The following EFHC2 variants were observed in gnomAD, a reference collection of about 807,000 sequenced individuals.
EFHC2 encodes EF-hand domain-containing family member C2.
Under a neutral mutation model 52.7 loss-of-function variants are expected in EFHC2, and 18 were observed. The observed-to-expected ratio is 0.34, with a 90% CI of 0.24 to 0.51. EFHC2 has a LOEUF of 0.51. Among genes scored for constraint, EFHC2 ranks in the 20% least tolerant of loss-of-function variants. The probability of loss-of-function intolerance (pLI) is 0.97; values close to 1 mark genes in which losing one functional copy is unlikely to be tolerated. For missense variants in EFHC2, 513 were observed against 562.5 expected, an observed-to-expected ratio of 0.91 and a Z score of 0.89; for synonymous variants, 203 against 204.1, an observed-to-expected ratio of 0.99 and a Z score of 0.04.
intron 14 of EFHC2, among the ~76,000 whole-genome samples, chrX:44,154,732 T>A (rs2036594869): frequency 9.1e-6 from 1 of 110,126 alleles, no homozygotes; most frequent in Non-Finnish European, 1.9e-5. Context: ...ACAAAACTCT[T>A]AATCGTCTAC....
chrX:44,264,633 A>T (rs1250453376), intron 3 of EFHC2, among the ~76,000 whole-genome samples: 1 of 112,740 alleles, frequency 8.9e-6, no homozygotes, highest in African/African-American at 3.2e-5. Flanking sequence ...ATCTAACGTC[A>T]CAATTCCATA....
chrX:44,193,985 T>C (rs1482386796), intron 11 of EFHC2, among the ~76,000 whole-genome samples: 12 of 111,124 alleles, frequency 1.1e-4, no homozygotes, highest in Non-Finnish European at 1.7e-4. Flanking sequence ...CTCCATGCAG[T>C]GTTCCAGAGT....
intron 1 of EFHC2, among the ~76,000 whole-genome samples, chrX:44,340,488 CT>C (rs2038145401): frequency 9.2e-6 from 1 of 108,608 alleles, no homozygotes; most frequent in African/African-American, 3.4e-5. Flanking sequence ...CCCGTCTCTA[CT>C]AAAAATTAAA....
At chrX:44,296,179 A>T (rs896441335) in intron 2 of EFHC2, among the ~76,000 whole-genome samples, 4 of 111,406 alleles carry the variant, frequency 3.6e-5, no homozygotes, top group Non-Finnish European at 7.5e-5. Flanking sequence ...AAGTGGAGTG[A>T]GCAAAGACAA....
chrX:44,240,674 T>C (rs1177173459), intron 8 of EFHC2, among the ~76,000 whole-genome samples: 1 of 111,248 alleles, frequency 9.0e-6, no homozygotes, highest in Non-Finnish European at 1.9e-5. Flanking sequence ...GCAACCCTCT[T>C]ATGTGATAAA....
At chrX:44,236,297 T>C (rs756444786) in intron 8 of EFHC2, among the ~76,000 whole-genome samples, 2 of 111,742 alleles carry the variant, frequency 1.8e-5, no homozygotes, top group South Asian at 3.7e-4. Flanking sequence ...ACTGAAGAAA[T>C]TGATTTATGG....
intron 14 of EFHC2, among the ~76,000 whole-genome samples, chrX:44,155,045 C>T (rs1395207748): frequency 1.8e-5 from 2 of 112,010 alleles, no homozygotes; most frequent in African/African-American, 6.5e-5. Context: ...AAAGACAGCA[C>T]CCAAATCTCA....
intron 11 of EFHC2, 97 bp downstream of exon 11, chrX:44,229,552 T>TA: frequency 9.2e-7 from 1 of 1,092,634 alleles, no homozygotes; most frequent in South Asian, 2.0e-5. Flanking sequence ...CAATTCCTAA[T>TA]AAAAAATAGT....
At chrX:44,179,319 C>A (rs1031364141) in intron 11 of EFHC2, among the ~76,000 whole-genome samples, 1 of 111,699 alleles carries the variant, frequency 9.0e-6, no homozygotes, top group Non-Finnish European at 1.9e-5. Flanking sequence ...GATTAAAATG[C>A]AAAATGTTAT....
chrX:44,192,142 T>C (rs2036926785), intron 11 of EFHC2, among the ~76,000 whole-genome samples: 1 of 110,754 alleles, frequency 9.0e-6, no homozygotes, highest in East Asian at 2.8e-4. Flanking sequence ...TTTAAAGATA[T>C]GATGTCCTCC....
At chrX:44,297,986 TA>T (rs1200694380) in intron 2 of EFHC2, among the ~76,000 whole-genome samples, 49 of 80,316 alleles carry the variant, frequency 6.1e-4, no homozygotes, top group African/African-American at 9.6e-4. Flanking sequence ...AAAATAAAAT[TA>T]AAAAAAAAAA....
intron 14 of EFHC2, among the ~76,000 whole-genome samples, chrX:44,149,373 C>CA: frequency 8.9e-6 from 1 of 111,902 alleles, no homozygotes; most frequent in Non-Finnish European, 1.9e-5. Flanking sequence ...TGAATCCAGC[C>CA]ATGCTTCACT....
chrX:44,223,613 A>G (rs1321389972), intron 11 of EFHC2, among the ~76,000 whole-genome samples: 1 of 111,824 alleles, frequency 8.9e-6, no homozygotes, highest in Non-Finnish European at 1.9e-5. Flanking sequence ...AAAGATCTCC[A>G]TCTTTTTGAT....
At chrX:44,229,566 C>T in intron 11 of EFHC2, 83 bp downstream of exon 11, 6 of 1,113,297 alleles carry the variant, frequency 5.4e-6, no homozygotes, top group African/African-American at 1.8e-5. Flanking sequence ...AAATAGTTAA[C>T]TGATTAGGAA....
At chrX:44,231,835 G>A (rs944296307) in intron 10 of EFHC2, among the ~76,000 whole-genome samples, 2 of 111,619 alleles carry the variant, frequency 1.8e-5, no homozygotes, top group South Asian at 3.7e-4. Flanking sequence ...TTTGTACACC[G>A]AACTAGTCCA....
intron 11 of EFHC2, among the ~76,000 whole-genome samples, chrX:44,223,717 A>G (rs912907683): frequency 2.7e-5 from 3 of 111,995 alleles, no homozygotes; most frequent in Non-Finnish European, 5.6e-5. Flanking sequence ...ATATATGGAA[A>G]TTTCCATTTT....
At chrX:44,240,790 G>A (rs756235796) in intron 8 of EFHC2, among the ~76,000 whole-genome samples, 13 of 111,016 alleles carry the variant, frequency 1.2e-4, no homozygotes, top group Non-Finnish European at 2.3e-4. Flanking sequence ...AGTCAGTCTG[G>A]GGGTGGGGGA....
intron 1 of EFHC2, among the ~76,000 whole-genome samples, chrX:44,331,017 A>G (rs1045501742): frequency 8.9e-6 from 1 of 112,282 alleles, no homozygotes; most frequent in African/African-American, 3.2e-5. Context: ...ATAACACGCA[A>G]TTACACTCTT....
At chrX:44,303,375 T>C (rs1045712190) in intron 2 of EFHC2, among the ~76,000 whole-genome samples, 11 of 111,276 alleles carry the variant, frequency 9.9e-5, no homozygotes, top group African/African-American at 3.6e-4. Context: ...CTCCCAATTA[T>C]AGGTATAGAC....
Sources: allele counts gnomAD v4.1 joint callset (sites outside exome capture counted in the v4.1 genomes callset), GRCh38; gene constraint gnomAD v4.1.1; transcripts MANE v1.5; gene names NCBI Gene and HGNC (gene_info 2026-07-23, HGNC 2026-07-21).